Variants in XKR4 observed in about 807,000 individuals in gnomAD.
XKR4 encodes the protein XK-related protein 4.
XKR4 carries 12 observed loss-of-function variants against 53.9 expected under a neutral mutation model. That is an observed-to-expected ratio of 0.22 (90% confidence interval 0.14 to 0.36). The LOEUF is 0.36. Ranked by LOEUF, XKR4 falls within the 10% of genes least tolerant of loss-of-function variation. The pLI, the probability that XKR4 is intolerant of heterozygous loss-of-function variation, is 1.00. For missense variants in XKR4, 799 were observed against 859.5 expected (o/e 0.93, Z 0.88); for synonymous variants, 354 against 362.4 (o/e 0.98, Z 0.26).
intron 2 of XKR4, chr8:55,451,491 G>T: frequency 1.8e-6 from 2 of 1,126,880 alleles, no homozygotes; most frequent in African/African-American, 1.5e-5. Context: ...CCTGGAACTG[G>T]CCTGGAGAAG....
chr8:55,470,684 T>C (rs1435166963), intron 2 of XKR4, among the ~76,000 whole-genome samples: 3 of 152,172 alleles, frequency 2.0e-5, no homozygotes, highest in Non-Finnish European at 4.4e-5. Flanking sequence ...TTACATGTCT[T>C]ACAAAGAAGT....
At chr8:55,103,642 C>A (rs1816091416) in intron 1 of XKR4, among the ~76,000 whole-genome samples, 1 of 151,652 alleles carries the variant, frequency 6.6e-6, no homozygotes, top group Non-Finnish European at 1.5e-5. Context: ...GGAGAGGATT[C>A]CTGTCACATC....
At chr8:55,186,527 G>T (rs1311284256) in intron 1 of XKR4, among the ~76,000 whole-genome samples, 2 of 152,008 alleles carry the variant, frequency 1.3e-5, no homozygotes, top group Non-Finnish European at 1.5e-5. Context: ...ATGGTGGCAG[G>T]CGCTTGTAGC....
chr8:55,102,375 G>A lies in XKR4; in HGVS notation c.-114G>A. On this transcript the variant is annotated 5_prime_UTR_variant, in exon 1 of 3. Coordinates refer to ENST00000327381, the MANE Select transcript of XKR4 (RefSeq NM_052898.2). This position sits in a 1 kb window ranked among gnomAD's most constrained non-coding sequence, Gnocchi z 5.1. The stretch of plus-strand genomic sequence containing the variant: ...GAGCCGACGCAGGAGCAGGAGGAGG[G>A]GGAGCCGCACCGCCTGGGAGGGAAG... The A allele has an allele frequency of 7.8e-7, 1 of 1,281,312 alleles. No homozygotes were observed. The highest frequency in any genetic ancestry group is 1.0e-6 in the Non-Finnish European group (1 of 998,028). The allele number at this position is 1,281,312 out of a possible 1,614,324, so 79.4% of individuals were successfully genotyped here. A position where few individuals can be genotyped will look rare whatever the true frequency, so the allele number is the denominator to read the frequency against.
chr8:55,220,392 C>T (rs567532871), intron 1 of XKR4, among the ~76,000 whole-genome samples: 2 of 152,158 alleles, frequency 1.3e-5, no homozygotes, highest in South Asian at 2.1e-4. Context: ...CACTAAACAT[C>T]TTATATAAAT....
chr8:55,465,524 A>G (rs1196010533), intron 2 of XKR4, among the ~76,000 whole-genome samples: 4 of 152,012 alleles, frequency 2.6e-5, no homozygotes, highest in African/African-American at 2.4e-5. Context: ...ACCTAAAACC[A>G]TAAAAACCCT....
At chr8:55,280,436 A>G (rs1282836548) in intron 1 of XKR4, among the ~76,000 whole-genome samples, 1 of 152,240 alleles carries the variant, frequency 6.6e-6, no homozygotes, top group East Asian at 1.9e-4. Flanking sequence ...GCTGTCAATC[A>G]TCTTGTAAAT....
At chr8:55,342,363 T>C (rs1188272011) in intron 1 of XKR4, among the ~76,000 whole-genome samples, 1 of 152,148 alleles carries the variant, frequency 6.6e-6, no homozygotes, top group East Asian at 1.9e-4. Context: ...ACAGCCTGCC[T>C]CTGACTCTAC....
intron 2 of XKR4, among the ~76,000 whole-genome samples, chr8:55,425,120 T>C (rs906497487): frequency 6.6e-6 from 1 of 152,174 alleles, no homozygotes; most frequent in Non-Finnish European, 1.5e-5. Context: ...TAACTCCACA[T>C]AGAGGCCCTC....
intron 1 of XKR4, among the ~76,000 whole-genome samples, chr8:55,303,867 A>C (rs1247506662): frequency 6.6e-6 from 1 of 151,548 alleles, no homozygotes; most frequent in Admixed American, 6.6e-5. Flanking sequence ...TTTTTATTGC[A>C]TCTATTTGAT....
chr8:55,466,278 A>C (rs1313939534), intron 2 of XKR4, among the ~76,000 whole-genome samples: 1 of 152,170 alleles, frequency 6.6e-6, no homozygotes, highest in Non-Finnish European at 1.5e-5. Flanking sequence ...AAAATGTGGC[A>C]CATACACCCT....
intron 1 of XKR4, chr8:55,164,191 C>T (rs757859611): frequency 4.6e-5 from 21 of 456,528 alleles, no homozygotes; most frequent in African/African-American, 1.4e-4. Flanking sequence ...CAGGTTGCCT[C>T]GTCCGCCGCC....
chr8:55,348,324 AG>A (rs1803678208), intron 1 of XKR4, among the ~76,000 whole-genome samples: 1 of 152,196 alleles, frequency 6.6e-6, no homozygotes, highest in South Asian at 2.1e-4. Flanking sequence ...TGTGTGTGCC[AG>A]GCACATCCTC....
At chr8:55,394,393 C>T (rs540814283) in intron 2 of XKR4, among the ~76,000 whole-genome samples, 6 of 152,242 alleles carry the variant, frequency 3.9e-5, no homozygotes, top group African/African-American at 1.4e-4. Context: ...TACAATAGCT[C>T]TCATAAGAGC....
intron 2 of XKR4, among the ~76,000 whole-genome samples, chr8:55,460,012 A>G (rs1169676651): frequency 1.9e-5 from 1 of 52,352 alleles, no homozygotes; most frequent in African/African-American, 4.9e-5. Context: ...CCAAATGCTG[A>G]AAAAAAAAAA....
chr8:55,192,244 T>C (rs923458345), intron 1 of XKR4, among the ~76,000 whole-genome samples: 3 of 145,450 alleles, frequency 2.1e-5, no homozygotes, highest in Non-Finnish European at 4.6e-5. Flanking sequence ...CTTAACTTTG[T>C]TGAAATCCTG....
chr8:55,137,014 A>G (rs1298260083), intron 1 of XKR4, among the ~76,000 whole-genome samples: 1 of 152,224 alleles, frequency 6.6e-6, no homozygotes, highest in African/African-American at 2.4e-5. Context: ...TGGAATGAAT[A>G]TATGGCCTTA....
At chr8:55,450,803 C>T in intron 2 of XKR4, 1 of 520,930 alleles carries the variant, frequency 1.9e-6, no homozygotes, top group South Asian at 1.8e-5. Context: ...ACCAAGGATA[C>T]CACATGGGTG....
chr8:55,389,195 G>T (rs550679330), intron 2 of XKR4, among the ~76,000 whole-genome samples: 12 of 152,146 alleles, frequency 7.9e-5, no homozygotes, highest in Admixed American at 3.9e-4. Context: ...CAAAGAGTGC[G>T]TGGCCCTGCA....
Sources: gnomAD v4.1 joint callset for allele counts (sites outside exome capture counted in the v4.1 genomes callset) on GRCh38, gnomAD v4.1.1 for gene constraint, Gnocchi (gnomAD v3.1) non-coding constraint, MANE v1.5 for transcripts, NCBI Gene and HGNC (gene_info 2026-07-23, HGNC 2026-07-21) for gene names.